The following ARHGEF28 variants were observed in gnomAD, a reference collection of about 807,000 sequenced individuals.
ARHGEF28 encodes the protein 190 kDa guanine nucleotide exchange factor.
A neutral mutation model predicts 206.6 loss-of-function variants in ARHGEF28; 152 were observed. That is an observed-to-expected ratio of 0.74 (90% CI 0.64 to 0.84). The LOEUF (loss-of-function observed/expected upper bound fraction) is 0.84. Among genes scored for constraint, ARHGEF28 ranks in the 40% least tolerant of loss-of-function variants. ARHGEF28 has a pLI of 0.00. For missense variants in ARHGEF28, 2,028 were observed against 2,073.2 expected, an observed-to-expected ratio of 0.98 and a Z score of 0.42; for synonymous variants, 763 against 776.4, an observed-to-expected ratio of 0.98 and a Z score of 0.29.
intron 1 of ARHGEF28, among the ~76,000 whole-genome samples, chr5:73,632,153 T>C (rs1341075303): frequency 1.3e-5 from 2 of 152,196 alleles, no homozygotes; most frequent in Non-Finnish European, 2.9e-5. Context: ...CTGCAAGTAC[T>C]AGTGGTGGTG....
intron 9 of ARHGEF28, among the ~76,000 whole-genome samples, chr5:73,819,862 C>T (rs1040758692): frequency 6.6e-6 from 1 of 152,166 alleles, no homozygotes; most frequent in African/African-American, 2.4e-5. Context: ...GTTTAAGATG[C>T]AGCTTGAGTG....
chr5:73,741,654 C>CGA (rs140550011), intron 2 of ARHGEF28, among the ~76,000 whole-genome samples: 48,606 of 150,960 alleles, frequency 0.32, 8,196 homozygotes, highest in African/African-American at 0.42. Flanking sequence ...CTCCCGACCA[C>CGA]GTGATCCACC....
At position 73,659,300 on chromosome 5, in the gene ARHGEF28, G is replaced by A. The variant is rs181366689; in HGVS notation, c.-11-25541G>A. Among the ~76,000 whole-genome samples, 11 of 152,312 alleles carry A rather than the reference G, an allele frequency of 7.2e-5. No homozygotes were observed. In the East Asian group the frequency reaches 2.1e-3, roughly 29 times the overall value. On this transcript the variant is annotated intron_variant, in intron 1 of 35. Transcript: ENST00000513042. ...TGTTATGTCACTTTGGGAGGCCGAG[G>A]CAGACAGATCACGAGGTCAGGAGAT...
chr5:73,794,314 C>A lies in ARHGEF28; in HGVS notation c.911-88C>A, dbSNP rs940576506. The A allele has an allele frequency of 9.2e-6, 10 of 1,090,174 alleles. No homozygotes were observed. The African/African-American group carries it at 1.4e-4, about 15-fold the overall frequency. The allele number at this position is 1,090,174 out of a possible 1,614,324, so 67.5% of individuals were successfully genotyped here. Reference sequence around the variant, plus strand: ...TATCTCTGTGCAGAAGGCTCCTGGGCAACTCATTTACACTTGTCAGCTAGT... The same window carrying A: ...TATCTCTGTGCAGAAGGCTCCTGGGAAACTCATTTACACTTGTCAGCTAGT... On this transcript the variant is annotated intron_variant, in intron 7 of 35. Transcript: ENST00000513042.
chr5:73,906,232 TA>T (rs1294991036), intron 33 of ARHGEF28, among the ~76,000 whole-genome samples: 2 of 152,218 alleles, frequency 1.3e-5, no homozygotes, highest in Non-Finnish European at 1.5e-5. Context: ...CAAGAGCTTT[TA>T]TTTTTTTATT....
intron 1 of ARHGEF28, among the ~76,000 whole-genome samples, chr5:73,634,474 C>T (rs1580423685): frequency 6.6e-6 from 1 of 152,214 alleles, no homozygotes; most frequent in Non-Finnish European, 1.5e-5. Flanking sequence ...CTTCGAGGTC[C>T]TCATACACCA....
At chr5:73,845,134 T>C (rs1843727) in intron 11 of ARHGEF28, among the ~76,000 whole-genome samples, 117,917 of 151,038 alleles carry the variant, frequency 0.78, 46,402 homozygotes, top group East Asian at 0.93. Context: ...TTTCCTGCCT[T>C]AGCATCCCAA....
At chr5:73,680,299 G>A (rs558550728) in intron 1 of ARHGEF28, among the ~76,000 whole-genome samples, 1 of 151,906 alleles carries the variant, frequency 6.6e-6, no homozygotes, top group South Asian at 2.1e-4. Context: ...GCTGGGCGTG[G>A]TGGTGGGCAT....
At chr5:73,878,012 C>T (rs1375107126) in intron 22 of ARHGEF28, among the ~76,000 whole-genome samples, 8 of 152,064 alleles carry the variant, frequency 5.3e-5, no homozygotes, top group Middle Eastern at 3.2e-3. Flanking sequence ...CTGTCTAATG[C>T]TGACAGTGGG....
intron 5 of ARHGEF28, among the ~76,000 whole-genome samples, chr5:73,775,341 T>C (rs1453004568): frequency 6.6e-6 from 1 of 152,214 alleles, no homozygotes; most frequent in Non-Finnish European, 1.5e-5. Flanking sequence ...GATATGATGA[T>C]AGAGCTTCCA....
At chr5:73,793,903 G>C (rs906186645) in intron 7 of ARHGEF28, among the ~76,000 whole-genome samples, 2 of 152,008 alleles carry the variant, frequency 1.3e-5, no homozygotes, top group Admixed American at 1.3e-4. Context: ...GCTGAGGTTG[G>C]AGCTGAGGGC....
At chr5:73,813,788 T>A (rs928196935) in intron 9 of ARHGEF28, 40 of 1,091,802 alleles carry the variant, frequency 3.7e-5, no homozygotes, top group Non-Finnish European at 4.9e-5. Context: ...TATACGTGCC[T>A]TTATAAAACA....
At chr5:73,682,593 G>T (rs566953401) in intron 1 of ARHGEF28, among the ~76,000 whole-genome samples, 144 of 152,088 alleles carry the variant, frequency 9.5e-4, no homozygotes, top group Non-Finnish European at 1.8e-3. Context: ...TTGCATTTTA[G>T]TAGATATGGG....
At chr5:73,804,702 A>AT (rs5868697) in intron 9 of ARHGEF28, among the ~76,000 whole-genome samples, 13,835 of 151,232 alleles carry the variant, frequency 0.091, 860 homozygotes, top group African/African-American at 0.17. Flanking sequence ...GTTTTTTCTG[A>AT]TTTTTTTTTC....
At chr5:73,875,074 G>A (rs1159959344) in intron 22 of ARHGEF28, among the ~76,000 whole-genome samples, 2 of 149,448 alleles carry the variant, frequency 1.3e-5, no homozygotes, top group Non-Finnish European at 3.0e-5. Flanking sequence ...ATCCTCTCCA[G>A]CACCTGTTGT....
At chr5:73,877,089 C>G (rs1478257284) in intron 22 of ARHGEF28, among the ~76,000 whole-genome samples, 2 of 121,474 alleles carry the variant, frequency 1.6e-5, no homozygotes, top group Non-Finnish European at 3.5e-5. Context: ...ATTATTGCCC[C>G]AATTTCAGCT....
intron 9 of ARHGEF28, among the ~76,000 whole-genome samples, chr5:73,804,271 C>T (rs919235771): frequency 1.3e-5 from 2 of 152,064 alleles, no homozygotes; most frequent in Non-Finnish European, 2.9e-5. Context: ...AGGGAGTTCA[C>T]TCTTGAGATC....
At chr5:73,673,923 C>T (rs1746498755) in intron 1 of ARHGEF28, among the ~76,000 whole-genome samples, 1 of 151,272 alleles carries the variant, frequency 6.6e-6, no homozygotes, top group Admixed American at 6.6e-5. Flanking sequence ...CCTGTAATCC[C>T]AACACTGGGA....
rs1204222473 is a variant in ARHGEF28, at chr5:73,840,713, T to C, written c.1380T>C (p.Phe460=). The C allele has an allele frequency of 6.2e-7, 1 of 1,611,920 alleles. No homozygotes were observed. The highest frequency in any genetic ancestry group is 8.5e-7 in the Non-Finnish European group (1 of 1,178,832). The change falls in exon 11 of 36, where the codon TTT becomes TTC. Residue 460 remains phenylalanine, a synonymous_variant. Transcript: ENST00000513042. ...SSCASNLNLS[F]GWHGFEKEQS... is the part of the protein sequence containing the mutation. ...GTGCTTCCAACTTGAATCTTTCTTT[T>C]GGTTGGCATGGATTTGAAAAGGAAC...
Sources: gnomAD v4.1 joint callset for allele counts (sites outside exome capture counted in the v4.1 genomes callset) on GRCh38, gnomAD v4.1.1 for gene constraint, MANE v1.5 for transcripts, NCBI Gene and HGNC (gene_info 2026-07-23, HGNC 2026-07-21) for gene names.